The following RXFP1 variants were observed in gnomAD, a reference collection of about 807,000 sequenced individuals.
RXFP1 encodes relaxin family peptide receptor 1.
A neutral mutation model predicts 89.8 loss-of-function variants in RXFP1; 73 were observed. That is an observed-to-expected ratio of 0.81 (90% CI 0.67 to 0.99). The LOEUF is 0.99. Among genes scored for constraint, RXFP1 ranks in the 50% least tolerant of loss-of-function variants. RXFP1 has a pLI of 0.00. For synonymous variants in RXFP1, 277 were observed against 305.5 expected (o/e 0.91, Z 0.97); for missense variants, 793 against 895.5 (o/e 0.89, Z 1.46).
intron 14 of RXFP1, among the ~76,000 whole-genome samples, chr4:158,640,324 A>G (rs547047906): frequency 2.0e-5 from 3 of 152,302 alleles, no homozygotes; most frequent in African/African-American, 7.2e-5. Context: ...GTGTTAGTCC[A>G]TTTTGCATTA....
intron 9 of RXFP1, among the ~76,000 whole-genome samples, chr4:158,620,834 T>A (rs1183712106): frequency 2.0e-5 from 3 of 152,178 alleles, no homozygotes; most frequent in Non-Finnish European, 4.4e-5. Flanking sequence ...AGCTGATGAA[T>A]CTTTGGCCGG....
In RXFP1 at chr4:158,639,333, T is replaced by A; in HGVS notation, c.1115+2T>A. 6.9e-7 allele frequency: 1 copy of A among 1,455,274 alleles called. No individual in the cohort carries two copies. Among genetic ancestry groups the A allele is most frequent in the Non-Finnish European group, 9.6e-7 (1 of 1,037,134 alleles). The allele number at this position is 1,455,274 out of a possible 1,614,324, so 90.1% of individuals were successfully genotyped here. ...ACCTCTTATGAATCTCTCTCACATG[T>A]AAGTAGATATTTTATTGTTTTTCAC... On this transcript the variant is annotated splice_donor_variant, in intron 14 of 17. Coordinates refer to ENST00000307765, the MANE Select transcript of RXFP1 (RefSeq NM_021634.4). LOFTEE classifies it high-confidence loss of function.
chr4:158,524,576 C>T (rs2149769149), intron 1 of RXFP1, among the ~76,000 whole-genome samples: 1 of 152,280 alleles, frequency 6.6e-6, no homozygotes, highest in South Asian at 2.1e-4. Context: ...ATTTTTCATT[C>T]TTTAAAAATC....
At chr4:158,530,910 A>C (rs35159208) in intron 1 of RXFP1, among the ~76,000 whole-genome samples, 1 of 152,168 alleles carries the variant, frequency 6.6e-6, no homozygotes, top group Non-Finnish European at 1.5e-5. Context: ...AATGGAAAAA[A>C]TCTGTACAAA....
rs1346858398 is a variant in RXFP1, at chr4:158,632,318, A to G, written c.900-1087A>G. The stretch of plus-strand genomic sequence containing the variant: ...AAAAACTCAGTCTAAAAATTGTCCT[A>G]CCCTTCGAGGTCAAAAAATCTAACG... On this transcript the variant is annotated intron_variant, in intron 11 of 17. Coordinates refer to ENST00000307765, the MANE Select transcript of RXFP1 (RefSeq NM_021634.4). Among the ~76,000 whole-genome samples the G allele has an allele frequency of 2.0e-5, 3 of 152,346 alleles. No homozygotes were observed. The East Asian group carries it at 5.8e-4, about 29-fold the overall frequency.
chr4:158,643,868 TC>T (rs1770919551), intron 14 of RXFP1, among the ~76,000 whole-genome samples: 1 of 152,208 alleles, frequency 6.6e-6, no homozygotes, highest in Admixed American at 6.5e-5. Context: ...CAATAACAGT[TC>T]CCTTTTCTCC....
intron 5 of RXFP1, 56 bp from the exon 6 acceptor site, chr4:158,607,916 T>C: frequency 8.3e-7 from 1 of 1,209,800 alleles, no homozygotes; most frequent in African/African-American, 1.5e-5. Context: ...TCTTTTTGTC[T>C]TGCAAAAGTG....
At chr4:158,608,890 T>C (rs1763032217) in intron 6 of RXFP1, among the ~76,000 whole-genome samples, 1 of 152,240 alleles carries the variant, frequency 6.6e-6, no homozygotes, top group South Asian at 2.1e-4. Flanking sequence ...AATCATAAAA[T>C]ATGTAGTTTT....
rs2150265309 is a variant in RXFP1, at chr4:158,647,201, G to T, written c.1756G>T (p.Gly586Cys). The T allele has an allele frequency of 1.3e-6, 2 of 1,550,306 alleles. No homozygotes were observed. Among genetic ancestry groups the T allele is most frequent in the Non-Finnish European group, 1.7e-6 (2 of 1,152,070 alleles). Residue 586 changes from glycine (G) to cysteine (C), a missense_variant and splice_region_variant, in exon 16 of 18, where the codon GGT becomes TGT. Physicochemically the swap from Gly to Cys is radical, Grantham distance 159 (BLOSUM62 -3). Transcript: ENST00000307765. ...GATTTATTCAGTGGCAATTTTTCTT[G>T]GTAAGAAACTAAGAAACTAATGTTC... is the stretch of plus-strand genomic sequence containing the variant. ...AQIYSVAIFLGINLAAFIIIV... is the reference protein window; with the variant it reads ...AQIYSVAIFLCINLAAFIIIV...
intron 2 of RXFP1, among the ~76,000 whole-genome samples, chr4:158,589,246 G>A (rs1758906733): frequency 6.6e-6 from 1 of 152,142 alleles, no homozygotes; most frequent in Non-Finnish European, 1.5e-5. Flanking sequence ...CCCTTAACAA[G>A]TGGGTATTAT....
At chr4:158,607,919 C>G in intron 5 of RXFP1, 53 bp from the exon 6 acceptor site, 1 of 1,257,196 alleles carries the variant, frequency 8.0e-7, no homozygotes, top group Non-Finnish European at 1.1e-6. Flanking sequence ...TTTTGTCTTG[C>G]AAAAGTGAAA....
chr4:158,599,919 A>G (rs1483477882), intron 4 of RXFP1, among the ~76,000 whole-genome samples: 1 of 152,228 alleles, frequency 6.6e-6, no homozygotes, highest in East Asian at 1.9e-4. Context: ...TCTGAATCAC[A>G]TTTTGAGTCA....
intron 8 of RXFP1, among the ~76,000 whole-genome samples, chr4:158,615,099 A>G (rs970331859): frequency 6.6e-6 from 1 of 152,080 alleles, no homozygotes; most frequent in African/African-American, 2.4e-5. Context: ...TTTCATTTGA[A>G]CACTTAGAAG....
chr4:158,648,427 G>A (rs187818483), intron 16 of RXFP1, 72 bp from the exon 17 acceptor site: 2 of 893,886 alleles, frequency 2.2e-6, no homozygotes, highest in East Asian at 2.7e-5. Context: ...TAATAAAAAT[G>A]TTTTATTTAT....
At chr4:158,639,014 G>A (rs774992938) in intron 13 of RXFP1, among the ~76,000 whole-genome samples, 60 of 152,156 alleles carry the variant, frequency 3.9e-4, no homozygotes, top group Admixed American at 2.4e-3. Context: ...TAGTTAAAAT[G>A]CACAAAGCAT....
At chr4:158,601,420 G>A (rs575492966) in intron 4 of RXFP1, among the ~76,000 whole-genome samples, 1 of 152,312 alleles carries the variant, frequency 6.6e-6, no homozygotes, top group Admixed American at 6.5e-5. Context: ...AGGTCACTCA[G>A]TGGAAATCTT....
At chr4:158,559,210 G>A (rs1751939633) in intron 1 of RXFP1, among the ~76,000 whole-genome samples, 1 of 152,202 alleles carries the variant, frequency 6.6e-6, no homozygotes, top group African/African-American at 2.4e-5. Flanking sequence ...GGAGAACAAG[G>A]CAGGAGGATT....
chr4:158,611,275 G>A (rs906271673), intron 6 of RXFP1, among the ~76,000 whole-genome samples: 1 of 152,220 alleles, frequency 6.6e-6, no homozygotes, highest in Non-Finnish European at 1.5e-5. Context: ...ATTTAGTGCA[G>A]TGAATTGCTA....
intron 6 of RXFP1, among the ~76,000 whole-genome samples, chr4:158,610,238 C>A (rs1763325473): frequency 6.6e-6 from 1 of 152,084 alleles, no homozygotes; most frequent in South Asian, 2.1e-4. Context: ...GCACTCCAGC[C>A]TGGGCATCAG....
Sources: allele counts gnomAD v4.1 joint callset (sites outside exome capture counted in the v4.1 genomes callset), GRCh38; gene constraint gnomAD v4.1.1; transcripts MANE v1.5; gene names NCBI Gene and HGNC (gene_info 2026-07-23, HGNC 2026-07-21).